The following PAK6 variants were observed in gnomAD, a reference collection of about 807,000 sequenced individuals.
PAK6 encodes p21 (RAC1) activated kinase 6.
A neutral mutation model predicts 60.8 loss-of-function variants in PAK6; 33 were observed. The observed-to-expected ratio is 0.54, with a 90% CI of 0.41 to 0.73. PAK6 has a LOEUF of 0.73. Ranked by LOEUF, PAK6 falls within the 30% of genes least tolerant of loss-of-function variation. The pLI is 0.00. For synonymous variants in PAK6, 404 were observed against 378.5 expected (o/e 1.07, Z -0.78); for missense variants, 845 against 904.1 (o/e 0.93, Z 0.84).
intron 10 of PAK6, among the ~76,000 whole-genome samples, chr15:40,275,444 C>T (rs2039431440): frequency 6.6e-6 from 1 of 151,832 alleles, no homozygotes; most frequent in Non-Finnish European, 1.5e-5. Flanking sequence ...TGCCACCATG[C>T]TCAACTAATT....
exon 2 of PAK6, chr15:40,240,623 A>G: frequency 2.3e-6 from 1 of 439,396 alleles, no homozygotes; most frequent in South Asian, 1.6e-5. Flanking sequence ...TGGGCTAGAG[A>G]CAAGCACCAG....
chr15:40,269,135 T>G (rs1011640926), intron 5 of PAK6, among the ~76,000 whole-genome samples: 1 of 152,122 alleles, frequency 6.6e-6, no homozygotes, highest in African/African-American at 2.4e-5. Flanking sequence ...CCTCCCACCT[T>G]AGCCTCCCAA....
At chr15:40,265,714 C>G in intron 4 of PAK6, 128 bp from the exon 5 acceptor site, 4 of 758,232 alleles carry the variant, frequency 5.3e-6, no homozygotes, top group Non-Finnish European at 8.1e-6. Flanking sequence ...GTGGATGACA[C>G]AGCAGGGAAG....
chr15:40,265,777 T>TTCC, intron 4 of PAK6, 65 bp from the exon 5 acceptor site: 2 of 1,445,924 alleles, frequency 1.4e-6, no homozygotes. Context: ...GACCCTGATC[T>TTCC]CCCAGCCACC....
In PAK6 at chr15:40,265,033, TCAGA is replaced by T. The variant is rs769679620; in HGVS notation, c.204+47_204+50del. 1.3e-5 allele frequency: 21 copies of T among 1,564,802 alleles called. No individual in the cohort carries two copies. In the East Asian group the frequency reaches 4.8e-4, roughly 35 times the overall value. On this transcript the variant is annotated intron_variant, in intron 4 of 10. Coordinates refer to ENST00000560346, the Ensembl canonical transcript of PAK6. ...GATGAGGTTCAGCCTCTCCCAGTAC[TCAGA>T]CAACCATGCCTGGCTAAACCTCAGA...
intron 3 of PAK6, among the ~76,000 whole-genome samples, chr15:40,257,541 C>T (rs551194591): frequency 2.6e-5 from 4 of 152,230 alleles, no homozygotes; most frequent in Non-Finnish European, 4.4e-5. Context: ...GGGCTCATAA[C>T]GTCTCCAAAG....
At chr15:40,275,710 A>G (rs905016663) in intron 10 of PAK6, among the ~76,000 whole-genome samples, 2 of 152,190 alleles carry the variant, frequency 1.3e-5, no homozygotes, top group Non-Finnish European at 2.9e-5. Flanking sequence ...GATCACGGAT[A>G]GAGCCAGATC....
chr15:40,264,738 CCTCTTTCCCGGGAGGGAG>C, intron 3 of PAK6, 25 bp from the exon 4 acceptor site: 2 of 1,573,380 alleles, frequency 1.3e-6, no homozygotes, highest in Non-Finnish European at 1.7e-6. Context: ...TGCAGCCACC[CCTCTTTCCCGGGAGGGAG>C]CTCAACCTTA....
At chr15:40,262,483 G>A (rs778096521) in intron 3 of PAK6, among the ~76,000 whole-genome samples, 76 of 152,106 alleles carry the variant, frequency 5.0e-4, no homozygotes, top group Non-Finnish European at 1.0e-3. Flanking sequence ...CAGTCTGGGC[G>A]ACAGGGCGGC....
chr15:40,254,057 C>T (rs1158422581), intron 3 of PAK6, among the ~76,000 whole-genome samples: 1 of 152,164 alleles, frequency 6.6e-6, no homozygotes, highest in Non-Finnish European at 1.5e-5. Flanking sequence ...ATGAATTCTC[C>T]TCCATAGTAT....
At chr15:40,247,609 G>A (rs979764582) in intron 2 of PAK6, among the ~76,000 whole-genome samples, 5 of 152,174 alleles carry the variant, frequency 3.3e-5, no homozygotes, top group African/African-American at 1.2e-4. Flanking sequence ...TACAGATGCA[G>A]AACCTGAGGG....
chr15:40,254,031 T>G (rs2038767789), intron 3 of PAK6, among the ~76,000 whole-genome samples: 1 of 152,026 alleles, frequency 6.6e-6, no homozygotes, highest in African/African-American at 2.4e-5. Flanking sequence ...CAAGGTGAGG[T>G]TCAGCCTGCA....
exon 10 of PAK6, chr15:40,274,175 G>A (rs775380507): frequency 6.2e-7 from 1 of 1,614,098 alleles, no homozygotes; most frequent in South Asian, 1.1e-5. Context: ...CATGGTGATT[G>A]AGATGGTAGA....
At chr15:40,255,625 T>G (rs1195019174) in intron 3 of PAK6, among the ~76,000 whole-genome samples, 1 of 152,104 alleles carries the variant, frequency 6.6e-6, no homozygotes, top group Non-Finnish European at 1.5e-5. Context: ...GGAGCCAGGA[T>G]AGGGTGCTGG....
At position 40,244,047 on chromosome 15, in the gene PAK6, G is replaced by A. The variant is rs557961743; in HGVS notation, c.-118+3366G>A. Among the ~76,000 whole-genome samples the A allele has an allele frequency of 1.2e-4, 18 of 152,316 alleles. No homozygotes were observed. In the East Asian group the frequency reaches 1.4e-3, roughly 11 times the overall value. Reference sequence around the variant, plus strand: ...AGTAGCTTAGAAATGCCTAGTAATCGTGGGCAAGGTGCAGTGGCTCACGCC... The same window carrying A: ...AGTAGCTTAGAAATGCCTAGTAATCATGGGCAAGGTGCAGTGGCTCACGCC... On this transcript the variant is annotated intron_variant, in intron 2 of 10. Coordinates refer to ENST00000560346, the Ensembl canonical transcript of PAK6.
At position 40,275,915 on chromosome 15, in the gene PAK6, C is replaced by T; in HGVS notation, c.1879-12C>T. 2 of 1,603,912 alleles carry T rather than the reference C, an allele frequency of 1.2e-6. No individual in the cohort carries two copies. Among genetic ancestry groups the T allele is most frequent in the Non-Finnish European group, 1.7e-6 (2 of 1,173,886 alleles). ...CAAATTGTGGCTTCATCTTACTGCC[C>T]TGCCTCTACAGGTCTCCCCAGTGCT... On this transcript the variant is annotated splice_polypyrimidine_tract_variant and intron_variant, in intron 10 of 10. Coordinates refer to ENST00000560346, the Ensembl canonical transcript of PAK6.
chr15:40,263,280 T>G (rs2039031477), intron 3 of PAK6, among the ~76,000 whole-genome samples: 1 of 152,210 alleles, frequency 6.6e-6, no homozygotes, highest in Non-Finnish European at 1.5e-5. Flanking sequence ...AAGAATCATG[T>G]TTCAGTTTCT....
chr15:40,269,336 A>C (rs1273832515), intron 5 of PAK6, among the ~76,000 whole-genome samples: 2 of 151,990 alleles, frequency 1.3e-5, no homozygotes, highest in African/African-American at 4.8e-5. Flanking sequence ...TATTATTTTT[A>C]AAAATATTAT....
chr15:40,264,203 G>T (rs1223590870), intron 3 of PAK6, among the ~76,000 whole-genome samples: 1 of 151,710 alleles, frequency 6.6e-6, no homozygotes, highest in African/African-American at 2.4e-5. Flanking sequence ...CAACCATCCT[G>T]GGACAAAGCT....
Sources: gnomAD v4.1 joint callset for allele counts (sites outside exome capture counted in the v4.1 genomes callset) on GRCh38, gnomAD v4.1.1 for gene constraint, MANE v1.5 for transcripts, NCBI Gene and HGNC (gene_info 2026-07-23, HGNC 2026-07-21) for gene names.